DACH1: variants seen among roughly 807,000 people sequenced by gnomAD.
DACH1 encodes dachshund family transcription factor 1, also known as dachshund homolog 1.
DACH1 carries 12 observed loss-of-function variants against 54.2 expected under a neutral mutation model. The ratio of observed to expected loss-of-function variants is 0.22; its 90% confidence interval spans 0.14 to 0.36. The LOEUF (loss-of-function observed/expected upper bound fraction) is 0.36. Among genes scored for constraint, DACH1 ranks in the 10% least tolerant of loss-of-function variants. The pLI, the probability that DACH1 is intolerant of heterozygous loss-of-function variation, is 1.00. For missense variants in DACH1, 805 were observed against 929.8 expected (o/e 0.87, Z 1.75); for synonymous variants, 386 against 366.2 (o/e 1.05, Z -0.62).
chr13:71,477,216 G>A (rs987204446), intron 8 of DACH1, among the ~76,000 whole-genome samples: 1 of 144,700 alleles, frequency 6.9e-6, no homozygotes, highest in Admixed American at 7.1e-5. Context: ...TGCCTCCCAG[G>A]TTCACGCCAT....
intron 6 of DACH1, among the ~76,000 whole-genome samples, chr13:71,529,259 T>G (rs1387125986): frequency 6.7e-6 from 1 of 148,172 alleles, no homozygotes; most frequent in Non-Finnish European, 1.5e-5. Context: ...CGATCTCGGC[T>G]CACTGCAACC....
intron 1 of DACH1, among the ~76,000 whole-genome samples, chr13:71,739,254 A>G (rs1452194313): frequency 1.3e-5 from 2 of 152,088 alleles, no homozygotes; most frequent in Non-Finnish European, 2.9e-5. Context: ...CTATGTCTCA[A>G]TTCAAAAAAA....
intron 6 of DACH1, among the ~76,000 whole-genome samples, chr13:71,552,680 T>A (rs1883889641): frequency 6.7e-6 from 1 of 149,110 alleles, no homozygotes; most frequent in East Asian, 2.0e-4. Context: ...ATATTTAGAA[T>A]GAGGGAAAAG....
chr13:71,709,780 A>T (rs1241285473), intron 1 of DACH1, among the ~76,000 whole-genome samples: 1 of 152,184 alleles, frequency 6.6e-6, no homozygotes, highest in East Asian at 1.9e-4. Flanking sequence ...GAATCCACTG[A>T]AGGTCTGGAA....
intron 3 of DACH1, among the ~76,000 whole-genome samples, chr13:71,596,492 T>C (rs1320099934): frequency 6.6e-6 from 1 of 152,222 alleles, no homozygotes; most frequent in Non-Finnish European, 1.5e-5. Flanking sequence ...TTTAATACAT[T>C]GTACTTGTAA....
At chr13:71,677,777 T>C (rs1323231905) in intron 2 of DACH1, among the ~76,000 whole-genome samples, 1 of 152,132 alleles carries the variant, frequency 6.6e-6, no homozygotes, top group African/African-American at 2.4e-5. Context: ...TGGAGTGCAG[T>C]GGTGCGATCT....
intron 3 of DACH1, among the ~76,000 whole-genome samples, chr13:71,616,341 G>T (rs572426975): frequency 1.4e-3 from 219 of 152,310 alleles, no homozygotes; most frequent in African/African-American, 5.1e-3. Context: ...CATGCATCTT[G>T]GAATTTTAGG....
chr13:71,634,148 T>C (rs1209600224), intron 2 of DACH1, among the ~76,000 whole-genome samples: 1 of 151,988 alleles, frequency 6.6e-6, no homozygotes, highest in Admixed American at 6.6e-5. Context: ...CATTTTTGTA[T>C]TTTTTGTAGA....
At position 71,867,172 on chromosome 13, in the gene DACH1, G is replaced by C. The variant is rs1874890717; in HGVS notation, c.-403C>G. ...GTTTGAAGGACTTGGGCTCTCCCTG[G>C]CAAGTACATTGATCAAAGATTGAGA... is the stretch of plus-strand genomic sequence containing the variant. On this transcript the variant is annotated 5_prime_UTR_variant, in exon 1 of 11. Coordinates refer to ENST00000613252, the MANE Select transcript of DACH1 (RefSeq NM_080759.6). 1 of 170,304 alleles carries C rather than the reference G, an allele frequency of 5.9e-6. No homozygotes were observed. The highest frequency in any genetic ancestry group is 6.4e-5 in the Admixed American group (1 of 15,692). 10.5% of individuals were successfully genotyped at this position (170,304 alleles called of 1,614,324 possible). A position where few individuals can be genotyped will look rare whatever the true frequency, so the allele number is the denominator to read the frequency against.
intron 1 of DACH1, among the ~76,000 whole-genome samples, chr13:71,835,184 C>T (rs1240665551): frequency 6.6e-6 from 1 of 151,956 alleles, no homozygotes; most frequent in Non-Finnish European, 1.5e-5. Flanking sequence ...AAATGGTAAC[C>T]ACCAGTCTGT....
chr13:71,668,750 C>G (rs1880028068), intron 2 of DACH1, among the ~76,000 whole-genome samples: 2 of 151,842 alleles, frequency 1.3e-5, no homozygotes, highest in African/African-American at 2.4e-5. Flanking sequence ...CATGGTGAAA[C>G]CCTGTCTCTA....
At chr13:71,507,715 A>G (rs1880445651) in intron 6 of DACH1, among the ~76,000 whole-genome samples, 2 of 152,166 alleles carry the variant, frequency 1.3e-5, no homozygotes, top group Admixed American at 6.5e-5. Flanking sequence ...TTCCAGAATG[A>G]AAGATAATCA....
At chr13:71,756,361 T>C (rs1199191197) in intron 1 of DACH1, among the ~76,000 whole-genome samples, 1 of 152,060 alleles carries the variant, frequency 6.6e-6, no homozygotes, top group Non-Finnish European at 1.5e-5. Flanking sequence ...TTTAAAAGTA[T>C]ACTTAGACCC....
intron 3 of DACH1, among the ~76,000 whole-genome samples, chr13:71,604,069 C>T (rs544924092): frequency 1.3e-5 from 2 of 151,858 alleles, no homozygotes; most frequent in Admixed American, 1.3e-4. Flanking sequence ...TTGACTTATA[C>T]AATGAAAGCA....
In DACH1 at chr13:71,572,849, T is replaced by C. The variant is rs1364999153; in HGVS notation, c.1290A>G (p.Ser430=). 1.2e-6 allele frequency: 2 copies of C among 1,611,654 alleles called. No homozygotes were observed. Among genetic ancestry groups the C allele is most frequent in the South Asian group, 2.2e-5 (2 of 90,490 alleles). The change falls in exon 4 of 11, where the codon TCA becomes TCG. Residue 430 remains serine, a synonymous_variant. Transcript: ENST00000613252. ...ATAAAAAAAGAATTACCTTAATAAC[T>C]GATGTCTCAACTCTGGATGGGGGAC... ...VQSPPSRVET[S]VIKERVPDSP...
At chr13:71,504,220 T>A (rs1880138602) in intron 6 of DACH1, among the ~76,000 whole-genome samples, 1 of 152,202 alleles carries the variant, frequency 6.6e-6, no homozygotes, top group African/African-American at 2.4e-5. Context: ...AAGTCAACAA[T>A]TAACACGAGA....
intron 3 of DACH1, chr13:71,573,523 G>A (rs1165836340): frequency 1.2e-5 from 8 of 679,384 alleles, no homozygotes; most frequent in Middle Eastern, 2.4e-4. Context: ...TGAGGTCCCT[G>A]GGATGGGGAA....
chr13:71,646,195 G>C (rs373981931), intron 2 of DACH1, among the ~76,000 whole-genome samples: 13 of 151,986 alleles, frequency 8.6e-5, no homozygotes, highest in African/African-American at 3.1e-4. Flanking sequence ...AAATTAGCCA[G>C]GCATGGTGGC....
chr13:71,639,054 A>G (rs1034928589), intron 2 of DACH1, among the ~76,000 whole-genome samples: 2 of 152,168 alleles, frequency 1.3e-5, no homozygotes, highest in Non-Finnish European at 2.9e-5. Flanking sequence ...TTACAACTCA[A>G]TTGAAATCAC....
Sources: allele counts gnomAD v4.1 joint callset (sites outside exome capture counted in the v4.1 genomes callset), GRCh38; gene constraint gnomAD v4.1.1; transcripts MANE v1.5; gene names NCBI Gene and HGNC (gene_info 2026-07-23, HGNC 2026-07-21).